Variants in POU2F1 observed in about 807,000 individuals in gnomAD.
POU2F1 encodes the protein POU class 2 homeobox 1.
A neutral mutation model predicts 84.9 loss-of-function variants in POU2F1; 16 were observed. That is an observed-to-expected ratio of 0.19 (90% CI 0.13 to 0.29). The LOEUF is 0.29. POU2F1 is among the 10% of genes least tolerant of loss of function. The probability of loss-of-function intolerance (pLI) is 1.00; values close to 1 mark genes in which losing one functional copy is unlikely to be tolerated. For synonymous variants in POU2F1, 368 were observed against 368.3 expected (o/e 1.00, Z 0.01); for missense variants, 738 against 942.6 (o/e 0.78, Z 2.84).
intron 1 of POU2F1, among the ~76,000 whole-genome samples, chr1:167,298,357 T>C (rs1654430111): frequency 6.6e-6 from 1 of 152,126 alleles, no homozygotes. Flanking sequence ...ATAAAAAATG[T>C]TCCTTGAACA....
intron 1 of POU2F1, among the ~76,000 whole-genome samples, chr1:167,263,113 T>C (rs1651688360): frequency 6.6e-6 from 1 of 152,260 alleles, no homozygotes; most frequent in Non-Finnish European, 1.5e-5. Flanking sequence ...TTTTGTTTTC[T>C]TTATAAACAT....
intron 6 of POU2F1, 43 bp downstream of exon 6, chr1:167,374,339 A>G: frequency 2.0e-6 from 3 of 1,513,662 alleles, no homozygotes; most frequent in Non-Finnish European, 1.8e-6. Context: ...AGTGAGGAAT[A>G]AAGTGGCAGG....
intron 1 of POU2F1, among the ~76,000 whole-genome samples, chr1:167,330,973 T>C (rs1657048674): frequency 6.6e-6 from 1 of 152,118 alleles, no homozygotes; most frequent in Admixed American, 6.5e-5. Context: ...TCTGTTGACT[T>C]TCATGAGATT....
intron 3 of POU2F1, among the ~76,000 whole-genome samples, chr1:167,367,187 C>G (rs1007450539): frequency 8.5e-5 from 13 of 152,200 alleles, no homozygotes; most frequent in African/African-American, 3.1e-4. Context: ...ACATAATTAA[C>G]AGTGTGACAC....
chr1:167,397,264 C>A (rs1648874069), intron 10 of POU2F1, among the ~76,000 whole-genome samples: 1 of 152,088 alleles, frequency 6.6e-6, no homozygotes, highest in Non-Finnish European at 1.5e-5. Context: ...TGTTTCTTTT[C>A]TTTTTACCCT....
chr1:167,340,433 T>TTC (rs932891837), intron 2 of POU2F1, among the ~76,000 whole-genome samples: 5 of 140,006 alleles, frequency 3.6e-5, no homozygotes, highest in African/African-American at 8.0e-5. Flanking sequence ...CTTTTTTTCT[T>TTC]TTTTTTTTTT....
At chr1:167,375,886 A>G in intron 6 of POU2F1, 143 bp from the exon 7 acceptor site, 1 of 1,035,260 alleles carries the variant, frequency 9.7e-7, no homozygotes, top group Non-Finnish European at 1.4e-6. Context: ...CACACAGAGC[A>G]TACCCTGTTT....
intron 1 of POU2F1, among the ~76,000 whole-genome samples, chr1:167,221,359 C>T (rs1405680659): frequency 1.3e-5 from 2 of 150,712 alleles, no homozygotes; most frequent in African/African-American, 4.8e-5. Context: ...ACAATAAAGA[C>T]ATTTTACATA....
chr1:167,345,789 T>A (rs1444494615), intron 2 of POU2F1, among the ~76,000 whole-genome samples: 1 of 152,184 alleles, frequency 6.6e-6, no homozygotes, highest in Non-Finnish European at 1.5e-5. Flanking sequence ...TATATTTCAT[T>A]TATGTTCAAT....
At position 167,334,151 on chromosome 1, in the gene POU2F1, CTTTTTTTT is replaced by C. The variant is rs57242474; in HGVS notation, c.127+1635_127+1642del. Among the ~76,000 whole-genome samples, 539 of 66,834 alleles carry C rather than the reference CTTTTTTTT, an allele frequency of 8.1e-3. 4 individuals carry two copies. Among genetic ancestry groups the C allele is most frequent in the African/African-American group, 0.036 (511 of 14,314 alleles). The allele number at this position is 66,834 out of a possible 152,430, so 43.8% of individuals were successfully genotyped here. On this transcript the variant is annotated intron_variant, in intron 2 of 15. Transcript: ENST00000367866. ...TACCATTTATTGAGCAACTACAACACTTTTTTTTTTTTTTTTTTTTTTTTTTGAGATGG... is the reference window on the plus strand; with the variant it reads ...TACCATTTATTGAGCAACTACAACACTTTTTTTTTTTTTTTTTTGAGATGG...
intron 1 of POU2F1, among the ~76,000 whole-genome samples, chr1:167,297,451 G>C (rs1446424924): frequency 1.3e-5 from 2 of 152,204 alleles, no homozygotes; most frequent in African/African-American, 4.8e-5. Flanking sequence ...GCCAGCAGCA[G>C]CCAGGGAAAT....
At chr1:167,275,503 G>A (rs1313933941) in intron 1 of POU2F1, among the ~76,000 whole-genome samples, 1 of 152,042 alleles carries the variant, frequency 6.6e-6, no homozygotes, top group Non-Finnish European at 1.5e-5. Context: ...TGAAATTGAA[G>A]ATGGGGCCAA....
chr1:167,426,754 C>T lies in POU2F1; in HGVS notation c.*10944C>T, dbSNP rs909336733. The T allele has an allele frequency of 6.6e-6, 1 of 152,194 alleles. No homozygotes were observed. The highest frequency in any genetic ancestry group is 1.5e-5 in the Non-Finnish European group (1 of 68,034). The allele number at this position is 152,194 out of a possible 1,614,324, so 9.4% of individuals were successfully genotyped here. On this transcript the variant is annotated 3_prime_UTR_variant, in exon 16 of 16. Coordinates refer to ENST00000367866, the MANE Select transcript of POU2F1 (RefSeq NM_002697.4). ...GAGTTTGAGTTCTTCTTTGTGGAAA[C>T]TTAAGATGTGGTGTAAATGATTCTT...
chr1:167,391,630 C>T (rs1404468244), intron 9 of POU2F1, among the ~76,000 whole-genome samples: 1 of 121,112 alleles, frequency 8.3e-6, no homozygotes, highest in African/African-American at 3.2e-5. Context: ...AGTACAGTGG[C>T]ATGATCACGG....
intron 2 of POU2F1, among the ~76,000 whole-genome samples, chr1:167,339,332 G>A (rs1214539346): frequency 6.6e-6 from 1 of 152,142 alleles, no homozygotes; most frequent in African/African-American, 2.4e-5. Context: ...CCAGGAATTA[G>A]GATGATTATT....
intron 1 of POU2F1, among the ~76,000 whole-genome samples, chr1:167,267,326 G>C (rs399332): frequency 0.073 from 11,129 of 151,664 alleles, 956 homozygotes; most frequent in African/African-American, 0.21. Context: ...AATACTAAAT[G>C]TAATGGGAAT....
intron 8 of POU2F1, among the ~76,000 whole-genome samples, chr1:167,385,790 C>G (rs564298893): frequency 6.6e-6 from 1 of 152,106 alleles, no homozygotes; most frequent in Non-Finnish European, 1.5e-5. Flanking sequence ...TCATAAAAAT[C>G]AAAAGCTTCT....
intron 2 of POU2F1, among the ~76,000 whole-genome samples, chr1:167,334,655 G>A (rs1459822130): frequency 6.6e-6 from 1 of 152,158 alleles, no homozygotes; most frequent in African/African-American, 2.4e-5. Flanking sequence ...TTTTAATATA[G>A]AATGTGTGGC....
chr1:167,296,948 G>A (rs1654323777), intron 1 of POU2F1, among the ~76,000 whole-genome samples: 1 of 151,702 alleles, frequency 6.6e-6, no homozygotes, highest in Non-Finnish European at 1.5e-5. Context: ...TGTATGGGAA[G>A]ACTGATTTTT....
Sources: gnomAD v4.1 joint callset for allele counts (sites outside exome capture counted in the v4.1 genomes callset) on GRCh38, gnomAD v4.1.1 for gene constraint, MANE v1.5 for transcripts, NCBI Gene and HGNC (gene_info 2026-07-23, HGNC 2026-07-21) for gene names.